The following RPS6KA2 variants were observed in gnomAD, a reference collection of about 807,000 sequenced individuals.
RPS6KA2 encodes ribosomal protein S6 kinase alpha-2.
In RPS6KA2, 42 loss-of-function variants were observed where a neutral mutation model predicts 91.8. The ratio of observed to expected loss-of-function variants is 0.46; its 90% CI spans 0.36 to 0.59. RPS6KA2 has a LOEUF of 0.59. RPS6KA2 is among the 20% of genes least tolerant of loss of function. The pLI is 0.00. For missense variants in RPS6KA2, 798 were observed against 978.5 expected (o/e 0.82, Z 2.46); for synonymous variants, 414 against 393.6 (o/e 1.05, Z -0.61).
chr6:166,797,643 G>C (rs555740132), intron 2 of RPS6KA2, among the ~76,000 whole-genome samples: 1 of 152,204 alleles, frequency 6.6e-6, no homozygotes, highest in African/African-American at 2.4e-5. Flanking sequence ...TTGTTGTCCA[G>C]GCAGGGGGTG....
At chr6:166,587,239 A>G (rs563161328) in intron 1 of RPS6KA2, among the ~76,000 whole-genome samples, 3 of 152,362 alleles carry the variant, frequency 2.0e-5, no homozygotes, top group Non-Finnish European at 4.4e-5. Context: ...TCAGAGCCCT[A>G]CAGGCCCAAG....
intron 2 of RPS6KA2, among the ~76,000 whole-genome samples, chr6:166,837,039 C>T (rs1780335830): frequency 6.6e-6 from 1 of 152,210 alleles, no homozygotes; most frequent in South Asian, 2.1e-4. Context: ...GCACCCTCAG[C>T]GCTGAGCAGG....
chr6:166,583,938 T>C (rs1037131670), intron 1 of RPS6KA2, among the ~76,000 whole-genome samples: 1 of 152,196 alleles, frequency 6.6e-6, no homozygotes, highest in African/African-American at 2.4e-5. Context: ...CCTTACCCCA[T>C]AGTGATAGTG....
At chr6:166,780,901 C>T (rs899682873) in intron 2 of RPS6KA2, among the ~76,000 whole-genome samples, 1 of 152,278 alleles carries the variant, frequency 6.6e-6, no homozygotes, top group South Asian at 2.1e-4. Context: ...AACCAACACT[C>T]CCCAGTGGAC....
At chr6:166,514,592 C>T (rs1026215570) in intron 3 of RPS6KA2, among the ~76,000 whole-genome samples, 1 of 152,180 alleles carries the variant, frequency 6.6e-6, no homozygotes, top group African/African-American at 2.4e-5. Context: ...CGGGCAGGGA[C>T]ATGGGGGCCT....
intron 1 of RPS6KA2, among the ~76,000 whole-genome samples, chr6:166,608,015 G>GAA (rs35201506): frequency 6.2e-5 from 8 of 128,184 alleles, no homozygotes; most frequent in African/African-American, 2.0e-4. Flanking sequence ...GTCTCAGAAA[G>GAA]AAAAAAAAAA....
At chr6:166,555,840 T>C (rs1246299201) in intron 1 of RPS6KA2, among the ~76,000 whole-genome samples, 3 of 151,974 alleles carry the variant, frequency 2.0e-5, no homozygotes, top group Non-Finnish European at 4.4e-5. Flanking sequence ...TCACCTCACT[T>C]ATAGGTAAAA....
At chr6:166,710,770 T>C (rs1789823268) in intron 2 of RPS6KA2, among the ~76,000 whole-genome samples, 1 of 152,172 alleles carries the variant, frequency 6.6e-6, no homozygotes, top group Admixed American at 6.5e-5. Context: ...GCCTCAGGAC[T>C]TGAGGAGCAA....
intron 11 of RPS6KA2, among the ~76,000 whole-genome samples, chr6:166,461,635 G>A (rs557839947): frequency 2.5e-4 from 38 of 152,132 alleles, no homozygotes; most frequent in South Asian, 1.2e-3. Flanking sequence ...GCACTAGCTC[G>A]ATCCAGCACA....
intron 1 of RPS6KA2, among the ~76,000 whole-genome samples, chr6:166,566,708 C>T (rs928770774): frequency 3.9e-5 from 6 of 152,346 alleles, no homozygotes; most frequent in African/African-American, 1.4e-4. Flanking sequence ...TCTGTCCACT[C>T]CTGGCCCTGA....
chr6:166,680,328 G>A (rs1309651215), intron 2 of RPS6KA2, among the ~76,000 whole-genome samples: 1 of 152,118 alleles, frequency 6.6e-6, no homozygotes. Flanking sequence ...GGACCAATCA[G>A]CTCTGTAAAA....
intron 2 of RPS6KA2, among the ~76,000 whole-genome samples, chr6:166,769,627 T>C (rs555496666): frequency 3.2e-4 from 48 of 152,330 alleles, no homozygotes; most frequent in Non-Finnish European, 6.5e-4. Context: ...ACTTAATTCA[T>C]GCAAAATGCG....
chr6:166,492,796 A>G (rs1323213095), intron 8 of RPS6KA2, among the ~76,000 whole-genome samples: 2 of 149,388 alleles, frequency 1.3e-5, no homozygotes, highest in Non-Finnish European at 3.0e-5. Context: ...GCTCACTGCA[A>G]CCTCCGCCTC....
intron 17 of RPS6KA2, 131 bp from the exon 18 acceptor site, chr6:166,420,089 G>T: frequency 1.3e-6 from 1 of 789,458 alleles, no homozygotes; most frequent in Non-Finnish European, 2.1e-6. Flanking sequence ...TCTTCGGTGT[G>T]ACCACTGTTT....
chr6:166,720,756 G>C (rs146900064), intron 2 of RPS6KA2, among the ~76,000 whole-genome samples: 1 of 152,176 alleles, frequency 6.6e-6, no homozygotes, highest in Non-Finnish European at 1.5e-5. Context: ...ATTATGGACA[G>C]AGTAGCCCAT....
At chr6:166,566,359 G>A (rs1162656458) in intron 1 of RPS6KA2, among the ~76,000 whole-genome samples, 1 of 152,226 alleles carries the variant, frequency 6.6e-6, no homozygotes, top group Non-Finnish European at 1.5e-5. Context: ...CAGTGTATCA[G>A]GCAGGGACAC....
In RPS6KA2 at chr6:166,419,908, C is replaced by A. The variant is rs1421711471; in HGVS notation, c.1794G>T (p.Gly598=). 6.2e-7 allele frequency: 1 copy of A among 1,613,988 alleles called. No homozygotes were observed. Among genetic ancestry groups the A allele is most frequent in the South Asian group, 1.1e-5 (1 of 91,082 alleles). The change falls in exon 18 of 21, where the codon GGG becomes GGT. Residue 598 remains glycine, a synonymous_variant. Coordinates refer to ENST00000265678, the MANE Select transcript of RPS6KA2 (RefSeq NM_021135.6). This position sits in a 1 kb window ranked among gnomAD's most constrained non-coding sequence, Gnocchi z 5.6. ...YDAACDIWSL[G]ILLYTMLAGF... is the part of the protein sequence containing the mutation. ...CTGCCAGCATGGTGTACAACAGGAT[C>A]CCCAAACTCCAGATGTCACACGCCG...
At chr6:166,862,314 A>G in exon 1 of RPS6KA2, 1 of 1,531,590 alleles carries the variant, frequency 6.5e-7, no homozygotes, top group South Asian at 1.2e-5. Flanking sequence ...GATGGAGAGG[A>G]CAGATCCGGC....
At chr6:166,514,317 T>C (rs1355270280) in intron 3 of RPS6KA2, among the ~76,000 whole-genome samples, 2 of 152,170 alleles carry the variant, frequency 1.3e-5, no homozygotes, top group Non-Finnish European at 2.9e-5. Flanking sequence ...AGATGCCCTG[T>C]GGTGATGGCA....
Sources: allele counts gnomAD v4.1 joint callset (sites outside exome capture counted in the v4.1 genomes callset), GRCh38; gene constraint gnomAD v4.1.1; non-coding constraint Gnocchi (gnomAD v3.1); transcripts MANE v1.5; gene names NCBI Gene and HGNC (gene_info 2026-07-23, HGNC 2026-07-21).